CDH2: variants seen among roughly 807,000 people sequenced by gnomAD.
CDH2 encodes the protein cadherin 2, also known as cadherin-2.
CDH2 carries 17 observed loss-of-function variants against 92.0 expected under a neutral mutation model. The ratio of observed to expected loss-of-function variants is 0.18; its 90% confidence interval spans 0.13 to 0.28. The LOEUF (loss-of-function observed/expected upper bound fraction) is 0.28. CDH2 is among the 10% of genes least tolerant of loss of function. CDH2 has a pLI of 1.00. For missense variants in CDH2, 862 were observed against 1,133.1 expected, an observed-to-expected ratio of 0.76 and a Z score of 3.44; for synonymous variants, 419 against 415.9, an observed-to-expected ratio of 1.01 and a Z score of -0.09.
chr18:27,962,121 A>G (rs889896579), intron 15 of CDH2, among the ~76,000 whole-genome samples: 1 of 152,228 alleles, frequency 6.6e-6, no homozygotes, highest in Non-Finnish European at 1.5e-5. Context: ...ATCTAGGCAT[A>G]TATGTATAAA....
intron 1 of CDH2, among the ~76,000 whole-genome samples, chr18:28,174,098 CA>C (rs1456503294): frequency 1.3e-5 from 2 of 152,086 alleles, no homozygotes; most frequent in Admixed American, 6.5e-5. Context: ...ATAAGGTACA[CA>C]GACACTTCAG....
At chr18:27,975,905 G>A (rs905449051) in intron 14 of CDH2, among the ~76,000 whole-genome samples, 1 of 152,166 alleles carries the variant, frequency 6.6e-6, no homozygotes, top group East Asian at 1.9e-4. Flanking sequence ...GCTCTCCCCT[G>A]AAGTCAAGTC....
chr18:28,099,702 A>C (rs749272027), intron 2 of CDH2, among the ~76,000 whole-genome samples: 17 of 152,132 alleles, frequency 1.1e-4, no homozygotes, highest in Non-Finnish European at 1.8e-4. Flanking sequence ...ATACACCTTG[A>C]TAAGAAAACA....
intron 1 of CDH2, among the ~76,000 whole-genome samples, chr18:28,160,752 G>A (rs940126067): frequency 6.6e-6 from 1 of 152,292 alleles, no homozygotes; most frequent in South Asian, 2.1e-4. Flanking sequence ...GGGAGACGAA[G>A]GGAAAGTCTC....
At chr18:28,038,699 T>C (rs2013889029) in intron 2 of CDH2, among the ~76,000 whole-genome samples, 1 of 152,024 alleles carries the variant, frequency 6.6e-6, no homozygotes, top group African/African-American at 2.4e-5. Flanking sequence ...TATGCAGACA[T>C]CTCTTCAAAA....
At chr18:27,957,295 C>T (rs1317139736) in intron 15 of CDH2, among the ~76,000 whole-genome samples, 4 of 152,064 alleles carry the variant, frequency 2.6e-5, no homozygotes, top group African/African-American at 9.7e-5. Context: ...GTACTCCAGA[C>T]TGTAGTGCAG....
At chr18:28,063,678 G>T (rs905128074) in intron 2 of CDH2, among the ~76,000 whole-genome samples, 3 of 152,148 alleles carry the variant, frequency 2.0e-5, no homozygotes, top group African/African-American at 7.2e-5. Context: ...GTTTGAACCC[G>T]GTAATGATCT....
intron 2 of CDH2, among the ~76,000 whole-genome samples, chr18:28,093,774 T>G (rs2144217075): frequency 6.6e-6 from 1 of 152,350 alleles, no homozygotes; most frequent in East Asian, 1.9e-4. Context: ...TAGTAGTAAC[T>G]TGTACATGTC....
intron 2 of CDH2, among the ~76,000 whole-genome samples, chr18:28,116,056 G>A: frequency 6.6e-6 from 1 of 152,160 alleles, no homozygotes; most frequent in African/African-American, 2.4e-5. Context: ...GAGAAACTTC[G>A]GTTGTCACAC....
chr18:27,993,371 G>C (rs1431712142), intron 8 of CDH2, 129 bp downstream of exon 8: 1 of 858,180 alleles, frequency 1.2e-6, no homozygotes, highest in South Asian at 1.9e-5. Context: ...AGAAATGTCC[G>C]AGTTAGCAGC....
At chr18:28,133,581 CAAA>C (rs765999292) in intron 2 of CDH2, among the ~76,000 whole-genome samples, 17 of 47,248 alleles carry the variant, frequency 3.6e-4, no homozygotes, top group African/African-American at 1.4e-3. Flanking sequence ...GACTCTGTCT[CAAA>C]AAAAAAAAAA....
intron 11 of CDH2, 85 bp downstream of exon 11, chr18:27,988,439 T>C: frequency 8.2e-7 from 1 of 1,215,442 alleles, no homozygotes; most frequent in Non-Finnish European, 1.2e-6. Context: ...GGCAATTGAG[T>C]TTTGTAGAAA....
At chr18:28,078,709 C>G (rs1294433469) in intron 2 of CDH2, among the ~76,000 whole-genome samples, 1 of 150,650 alleles carries the variant, frequency 6.6e-6, no homozygotes, top group Non-Finnish European at 1.5e-5. Context: ...ATACCCTTCT[C>G]TAGCTGAAAA....
At chr18:28,159,655 TTTG>T (rs1222686555) in intron 1 of CDH2, among the ~76,000 whole-genome samples, 1 of 145,702 alleles carries the variant, frequency 6.9e-6, no homozygotes, top group Non-Finnish European at 1.5e-5. Context: ...CTGCAATTTT[TTTG>T]TTTTTTTTTT....
intron 7 of CDH2, among the ~76,000 whole-genome samples, chr18:27,994,649 A>C (rs569646808): frequency 6.6e-6 from 1 of 152,316 alleles, no homozygotes; most frequent in Admixed American, 6.5e-5. Flanking sequence ...TACAAAAATA[A>C]ACTGTCACTG....
At chr18:28,170,931 A>G (rs1435359790) in intron 1 of CDH2, among the ~76,000 whole-genome samples, 1 of 151,986 alleles carries the variant, frequency 6.6e-6, no homozygotes, top group Admixed American at 6.6e-5. Context: ...ACCAAAAAAA[A>G]AAAAAAACTA....
intron 2 of CDH2, among the ~76,000 whole-genome samples, chr18:28,085,694 T>C (rs1192645311): frequency 6.6e-6 from 1 of 152,166 alleles, no homozygotes; most frequent in African/African-American, 2.4e-5. Context: ...ACACATCGGA[T>C]GGAAATCTTC....
chr18:27,984,893 G>A (rs1319706826), intron 13 of CDH2, 107 bp downstream of exon 13: 1 of 797,156 alleles, frequency 1.3e-6, no homozygotes, highest in Non-Finnish European at 2.1e-6. Context: ...ATGCTGAAAG[G>A]TCAAAGGGTT....
intron 12 of CDH2, 43 bp from the exon 13 acceptor site, chr18:27,985,276 A>C: frequency 8.8e-7 from 1 of 1,133,720 alleles, no homozygotes; most frequent in Non-Finnish European, 1.3e-6. Flanking sequence ...GTAATACTTA[A>C]AGCGATAAAA....
Sources: gnomAD v4.1 joint callset for allele counts (sites outside exome capture counted in the v4.1 genomes callset) on GRCh38, gnomAD v4.1.1 for gene constraint, MANE v1.5 for transcripts, NCBI Gene and HGNC (gene_info 2026-07-23, HGNC 2026-07-21) for gene names.